SLAIN1: variants seen among roughly 807,000 people sequenced by gnomAD.
The protein encoded by SLAIN1 is SLAIN family member 1, also known as SLAIN motif-containing protein 1.
Under a neutral mutation model 55.4 loss-of-function variants are expected in SLAIN1, and 17 were observed. The ratio of observed to expected loss-of-function variants is 0.31; its 90% CI spans 0.21 to 0.46. SLAIN1 has a LOEUF of 0.46. SLAIN1 is among the 20% of genes least tolerant of loss of function. The pLI, the probability that SLAIN1 is intolerant of heterozygous loss-of-function variation, is 1.00. For synonymous variants in SLAIN1, 348 were observed against 337.4 expected (o/e 1.03, Z -0.35); for missense variants, 682 against 785.1 (o/e 0.87, Z 1.57).
intron 1 of SLAIN1, among the ~76,000 whole-genome samples, chr13:77,715,166 T>C (rs914899353): frequency 9.9e-5 from 15 of 152,178 alleles, no homozygotes; most frequent in Non-Finnish European, 1.6e-4. Context: ...TTTTATAGTT[T>C]TATATCAATA....
At chr13:77,739,488 C>T (rs1231098927) in intron 2 of SLAIN1, among the ~76,000 whole-genome samples, 1 of 152,046 alleles carries the variant, frequency 6.6e-6, no homozygotes, top group Non-Finnish European at 1.5e-5. Context: ...TATTTTTGAA[C>T]TCTTTAGTTT....
chr13:77,699,007 C>T (rs531171905), intron 1 of SLAIN1: 1 of 1,535,176 alleles, frequency 6.5e-7, no homozygotes, highest in African/African-American at 1.4e-5. Flanking sequence ...TGCTCTTCCT[C>T]CTCGGGTGGC....
rs574507815 is a variant in SLAIN1, at chr13:77,721,452, A to G, written c.766+1781A>G. On this transcript the variant is annotated intron_variant, in intron 2 of 6. Transcript: ENST00000418532. ...TTGGATTAACTCTTTGAAGGGTTAT[A>G]TAGACCATTCCTAAGCCTCCTTACT... Among the ~76,000 whole-genome samples the G allele has an allele frequency of 1.4e-4, 22 of 152,330 alleles. No individual in the cohort carries two copies. The Middle Eastern group carries it at 0.014, about 94-fold the overall frequency.
intron 5 of SLAIN1, among the ~76,000 whole-genome samples, chr13:77,757,561 A>G (rs1005358151): frequency 6.6e-6 from 1 of 151,720 alleles, no homozygotes; most frequent in Admixed American, 6.6e-5. Flanking sequence ...TGTACCCAAT[A>G]TGTAGTTTTT....
At position 77,697,996 on chromosome 13, in the gene SLAIN1, A is replaced by G; in HGVS notation, c.83A>G (p.Glu28Gly). ...GGGCCGGTGGTGAACGCGGAGCTGG[A>G]GGTGAAGAAGCTGCAGGAGCTGGTG... is the stretch of plus-strand genomic sequence containing the variant. ...GSGPVVNAEL[E>G]VKKLQELVRK... Residue 28 changes from glutamate to glycine, a missense_variant, in exon 1 of 7, where the codon GAG becomes GGG. By Grantham distance (98) the Glu-to-Gly change is moderately conservative. Coordinates refer to ENST00000418532, the MANE Select transcript of SLAIN1 (RefSeq NM_001242868.2). 6.9e-7 allele frequency: 1 copy of G among 1,440,628 alleles called. No individual in the cohort carries two copies. Among genetic ancestry groups the G allele is most frequent in the Non-Finnish European group, 9.2e-7 (1 of 1,086,918 alleles). 89.2% of individuals were successfully genotyped at this position (1,440,628 alleles called of 1,614,324 possible). A position where few individuals can be genotyped will look rare whatever the true frequency, so the allele number is the denominator to read the frequency against.
intron 5 of SLAIN1, among the ~76,000 whole-genome samples, chr13:77,758,006 C>T (rs541173086): frequency 5.7e-4 from 86 of 152,212 alleles, no homozygotes; most frequent in Non-Finnish European, 9.4e-4. Context: ...AAGGAATCTT[C>T]ATACTGTTTT....
intron 5 of SLAIN1, among the ~76,000 whole-genome samples, chr13:77,760,355 A>T (rs769872732): frequency 1.3e-5 from 2 of 152,354 alleles, no homozygotes; most frequent in Non-Finnish European, 1.5e-5. Flanking sequence ...GATAAATGAC[A>T]TAATGAATAT....
At chr13:77,737,517 C>A (rs1028750869) in intron 2 of SLAIN1, among the ~76,000 whole-genome samples, 2 of 152,090 alleles carry the variant, frequency 1.3e-5, no homozygotes, top group African/African-American at 2.4e-5. Flanking sequence ...AAAACCCAAA[C>A]CTACCAACCT....
chr13:77,716,257 G>A (rs1430041923), intron 1 of SLAIN1, among the ~76,000 whole-genome samples: 1 of 150,670 alleles, frequency 6.6e-6, no homozygotes, highest in African/African-American at 2.4e-5. Context: ...TTTTTCCACT[G>A]ATCCGTTTAT....
intron 4 of SLAIN1, among the ~76,000 whole-genome samples, chr13:77,749,245 A>G: frequency 6.6e-6 from 1 of 152,342 alleles, no homozygotes; most frequent in South Asian, 2.1e-4. Context: ...TAGTTCCTAC[A>G]CTGCCTAGAT....
chr13:77,757,655 G>A (rs1455820653), intron 5 of SLAIN1, among the ~76,000 whole-genome samples: 2 of 151,986 alleles, frequency 1.3e-5, no homozygotes, highest in African/African-American at 4.8e-5. Flanking sequence ...TCATAGCTAA[G>A]CTCCCACTTA....
chr13:77,698,419 CG>C lies in SLAIN1; in HGVS notation c.510del (p.Thr171ArgfsTer28). 7.2e-7 allele frequency: 1 copy of C among 1,392,894 alleles called. No individual in the cohort carries two copies. Among genetic ancestry groups the C allele is most frequent in the Admixed American group, 3.2e-5 (1 of 31,422 alleles). 86.3% of individuals were successfully genotyped at this position (1,392,894 alleles called of 1,614,324 possible). ...AGGGGPEPGG[A>X]GTPPGAAAAP... ...GGTGGCGGGCCGGAGCCGGGGGGCG[CG>C]GGGACGCCGCCAGGGGCAGCTGCAG... is the stretch of plus-strand genomic sequence containing the variant. On this transcript the variant is annotated frameshift_variant, in exon 1 of 7. Transcript: ENST00000418532. LOFTEE classifies it high-confidence loss of function. The surrounding 1 kb of genome is among the most constrained non-coding windows in gnomAD (Gnocchi z 4.1).
At chr13:77,711,990 A>C (rs1452079838) in intron 1 of SLAIN1, among the ~76,000 whole-genome samples, 1 of 152,198 alleles carries the variant, frequency 6.6e-6, no homozygotes, top group Non-Finnish European at 1.5e-5. Context: ...TAATAGGTGC[A>C]GAAAAAGGCA....
chr13:77,724,738 ATTTTTCTTTTTT>A (rs2091292247), intron 2 of SLAIN1, among the ~76,000 whole-genome samples: 1 of 146,848 alleles, frequency 6.8e-6, no homozygotes, highest in Non-Finnish European at 1.5e-5. Context: ...CTAATAAAGC[ATTTTTCTTTTTT>A]TTATTATACT....
At chr13:77,710,519 A>C (rs759912423) in intron 1 of SLAIN1, among the ~76,000 whole-genome samples, 3 of 152,216 alleles carry the variant, frequency 2.0e-5, no homozygotes, top group Non-Finnish European at 4.4e-5. Context: ...TGGTAAAGGG[A>C]TCAGTGCAAC....
At chr13:77,703,797 A>C (rs1262831193) in intron 1 of SLAIN1, among the ~76,000 whole-genome samples, 1 of 151,368 alleles carries the variant, frequency 6.6e-6, no homozygotes, top group Non-Finnish European at 1.5e-5. Flanking sequence ...GCTTTCCTTA[A>C]AATAAAACTT....
intron 4 of SLAIN1, among the ~76,000 whole-genome samples, chr13:77,750,717 T>G (rs905503722): frequency 2.7e-4 from 41 of 152,144 alleles, no homozygotes; most frequent in African/African-American, 9.2e-4. Flanking sequence ...TGGCAATATT[T>G]GAGCATCCTT....
At chr13:77,712,654 A>G (rs2091164483) in intron 1 of SLAIN1, among the ~76,000 whole-genome samples, 1 of 152,226 alleles carries the variant, frequency 6.6e-6, no homozygotes, top group South Asian at 2.1e-4. Flanking sequence ...TTATAGATTC[A>G]GTGCCATCCC....
intron 2 of SLAIN1, among the ~76,000 whole-genome samples, chr13:77,720,333 G>T (rs962701431): frequency 6.6e-6 from 1 of 152,058 alleles, no homozygotes; most frequent in African/African-American, 2.4e-5. Flanking sequence ...TGGGAACACT[G>T]TTTCTATTCC....
Sources: allele counts gnomAD v4.1 joint callset (sites outside exome capture counted in the v4.1 genomes callset), GRCh38; gene constraint gnomAD v4.1.1; non-coding constraint Gnocchi (gnomAD v3.1); transcripts MANE v1.5; gene names NCBI Gene and HGNC (gene_info 2026-07-23, HGNC 2026-07-21).